CCDC93: variants seen among roughly 807,000 people sequenced by gnomAD.
The protein encoded by CCDC93 is coiled-coil domain-containing protein 93.
In CCDC93, 61 loss-of-function variants were observed where a neutral mutation model predicts 108.2. That is an observed-to-expected ratio of 0.56 (90% confidence interval 0.46 to 0.70). CCDC93 has a LOEUF of 0.70. CCDC93 is among the 30% of genes least tolerant of loss of function. CCDC93 has a pLI of 0.00. For synonymous variants in CCDC93, 276 were observed against 260.4 expected (o/e 1.06, Z -0.58); for missense variants, 685 against 764.2 (o/e 0.90, Z 1.22).
intron 14 of CCDC93, among the ~76,000 whole-genome samples, chr2:117,948,584 T>C (rs1396255760): frequency 2.0e-5 from 3 of 152,242 alleles, no homozygotes; most frequent in Non-Finnish European, 4.4e-5. Flanking sequence ...TTAAAAGCAC[T>C]AATTTGACAA....
chr2:118,012,186 A>C (rs1051066948), intron 1 of CCDC93, among the ~76,000 whole-genome samples: 8 of 152,012 alleles, frequency 5.3e-5, no homozygotes, highest in African/African-American at 1.9e-4. Context: ...AGGCATAAGA[A>C]TTGCTTGAAC....
chr2:117,992,042 C>T (rs933092520), intron 6 of CCDC93, among the ~76,000 whole-genome samples: 2 of 152,126 alleles, frequency 1.3e-5, no homozygotes, highest in Non-Finnish European at 2.9e-5. Context: ...CCTACGCAGA[C>T]AGCTCCTGGA....
In CCDC93 at chr2:117,944,559, T is replaced by C. The variant is rs151140236; in HGVS notation, c.1351-473A>G. On this transcript the variant is annotated intron_variant, in intron 17 of 23. Coordinates refer to ENST00000376300, the MANE Select transcript of CCDC93 (RefSeq NM_019044.5). ...AAAGTTCTTTTGGACAGCATTGATA[T>C]AGAAAATAGAAACTAGTCCCTCATT... 1.7e-3 allele frequency among the ~76,000 whole-genome samples: 257 copies of C among 152,236 alleles called. 2 individuals are homozygous for C. Among genetic ancestry groups the C allele is most frequent in the African/African-American group, 6.0e-3 (250 of 41,530 alleles).
intron 3 of CCDC93, among the ~76,000 whole-genome samples, chr2:118,006,297 G>A (rs7585842): frequency 0.89 from 135,238 of 152,164 alleles, 60,188 homozygotes; most frequent in Middle Eastern, 0.96. Flanking sequence ...GGTATCCCAA[G>A]TGGTCTAATG....
At chr2:117,935,220 T>C (rs552322381) in intron 22 of CCDC93, among the ~76,000 whole-genome samples, 2 of 152,314 alleles carry the variant, frequency 1.3e-5, no homozygotes, top group East Asian at 1.9e-4. Context: ...AGAGGTCTTT[T>C]AGGAATGTCA....
intron 2 of CCDC93, among the ~76,000 whole-genome samples, chr2:118,007,612 T>G (rs570893121): frequency 1.7e-3 from 259 of 152,294 alleles, no homozygotes; most frequent in African/African-American, 6.0e-3. Flanking sequence ...GAGGTTGCAG[T>G]GAGCCAAGAT....
At chr2:117,994,916 G>C (rs1680597661) in intron 6 of CCDC93, among the ~76,000 whole-genome samples, 1 of 152,178 alleles carries the variant, frequency 6.6e-6, no homozygotes, top group African/African-American at 2.4e-5. Context: ...CCACAGCTCT[G>C]GCCCAGAGTG....
intron 21 of CCDC93, chr2:117,936,456 A>C: frequency 2.2e-6 from 1 of 448,330 alleles, no homozygotes; most frequent in South Asian, 5.4e-5. Context: ...GGGTACAGTC[A>C]AAGTATTTGA....
chr2:118,001,022 T>C, intron 3 of CCDC93, 90 bp from the exon 4 acceptor site: 1 of 767,020 alleles, frequency 1.3e-6, no homozygotes, highest in South Asian at 1.5e-5. Context: ...CAGACGGATC[T>C]GGGACTTCTC....
chr2:118,003,832 G>A (rs545508454), intron 3 of CCDC93, among the ~76,000 whole-genome samples: 2 of 152,166 alleles, frequency 1.3e-5, no homozygotes, highest in African/African-American at 2.4e-5. Context: ...AGGCAGGCTG[G>A]GGGTAGGGAA....
intron 16 of CCDC93, 96 bp from the exon 17 acceptor site, chr2:117,945,678 A>C: frequency 1.0e-6 from 1 of 988,576 alleles, no homozygotes; most frequent in Non-Finnish European, 1.6e-6. Context: ...AGGCAGGGGC[A>C]TAAGGGTGCA....
At chr2:117,953,728 CAAAAAAA>C (rs11310138) in intron 12 of CCDC93, among the ~76,000 whole-genome samples, 1 of 132,250 alleles carries the variant, frequency 7.6e-6, no homozygotes, top group African/African-American at 2.8e-5. Context: ...CTGCTGTCTC[CAAAAAAA>C]AAAAAAAAAA....
chr2:117,935,020 TTC>T (rs1304470033), intron 22 of CCDC93: 1 of 152,246 alleles, frequency 6.6e-6, no homozygotes, highest in African/African-American at 2.4e-5. Context: ...CAGCAATGAT[TTC>T]TCTTTTTTAG....
At chr2:117,995,712 T>A in intron 5 of CCDC93, 2 of 505,824 alleles carry the variant, frequency 4.0e-6, no homozygotes, top group African/African-American at 2.0e-5. Context: ...ACACAGCCAG[T>A]AAGAAAAAGG....
chr2:117,990,987 GA>G (rs1007684618), intron 6 of CCDC93, among the ~76,000 whole-genome samples: 19 of 136,798 alleles, frequency 1.4e-4, no homozygotes, highest in South Asian at 6.9e-4. Flanking sequence ...TAGTACAAAA[GA>G]AAAAAAAAAC....
At chr2:117,936,618 G>A (rs912923116) in intron 21 of CCDC93, 84 bp downstream of exon 21, 9 of 1,060,568 alleles carry the variant, frequency 8.5e-6, no homozygotes, top group South Asian at 1.3e-5. Flanking sequence ...CCTTTGTCAA[G>A]CACATTATAG....
intron 6 of CCDC93, among the ~76,000 whole-genome samples, chr2:117,986,777 C>T (rs1459814937): frequency 6.6e-6 from 1 of 152,208 alleles, no homozygotes; most frequent in South Asian, 2.1e-4. Context: ...TGAGATGATG[C>T]TAAAGGTTGT....
At chr2:117,976,214 C>T (rs923725581) in intron 8 of CCDC93, among the ~76,000 whole-genome samples, 1 of 152,094 alleles carries the variant, frequency 6.6e-6, no homozygotes, top group African/African-American at 2.4e-5. Flanking sequence ...TCAAATGTGC[C>T]GTCTGACATA....
Position 117,916,841 on chromosome 2 carries a change from T to C in CCDC93, c.*3502A>G, listed in dbSNP as rs1677701968. Reference sequence around the variant, plus strand: ...TGTAATAGAAGGAATGCTCTGGACTTCATGAAAAGGATCAAGAGAGGGCCT... The same window carrying C: ...TGTAATAGAAGGAATGCTCTGGACTCCATGAAAAGGATCAAGAGAGGGCCT... On this transcript the variant is annotated 3_prime_UTR_variant, in exon 24 of 24. Transcript: ENST00000376300. The C allele has an allele frequency of 6.6e-6, 1 of 152,196 alleles. No individual in the cohort carries two copies. 9.4% of individuals were successfully genotyped at this position (152,196 alleles called of 1,614,324 possible).
Sources: allele counts gnomAD v4.1 joint callset (sites outside exome capture counted in the v4.1 genomes callset), GRCh38; gene constraint gnomAD v4.1.1; transcripts MANE v1.5; gene names NCBI Gene and HGNC (gene_info 2026-07-23, HGNC 2026-07-21).